Variants in PDS5B observed in about 807,000 individuals in gnomAD.
PDS5B encodes PDS5 cohesin associated factor B.
PDS5B carries 51 observed loss-of-function variants against 184.1 expected under a neutral mutation model. The ratio of observed to expected loss-of-function variants is 0.28; its 90% CI spans 0.22 to 0.35. PDS5B has a LOEUF of 0.35. Ranked by LOEUF, PDS5B falls within the 10% of genes least tolerant of loss-of-function variation. The pLI is 1.00. For synonymous variants in PDS5B, 566 were observed against 569.2 expected (o/e 0.99, Z 0.08); for missense variants, 1,180 against 1,723.3 (o/e 0.68, Z 5.58).
chr13:32,642,489 G>C (rs914037726), intron 1 of PDS5B, among the ~76,000 whole-genome samples: 8 of 152,146 alleles, frequency 5.3e-5, no homozygotes, highest in African/African-American at 1.9e-4. Flanking sequence ...GTCAGAAAAA[G>C]TTAAAATGAG....
At chr13:32,617,154 C>A (rs567686567) in intron 1 of PDS5B, among the ~76,000 whole-genome samples, 1 of 152,302 alleles carries the variant, frequency 6.6e-6, no homozygotes, top group South Asian at 2.1e-4. Context: ...GAATAAATAA[C>A]CTCTGGCTAG....
At chr13:32,647,524 C>T (rs1382979898) in intron 1 of PDS5B, among the ~76,000 whole-genome samples, 1 of 152,184 alleles carries the variant, frequency 6.6e-6, no homozygotes, top group African/African-American at 2.4e-5. Flanking sequence ...GCTCAAAAGG[C>T]CTGCCTTGGC....
intron 7 of PDS5B, among the ~76,000 whole-genome samples, chr13:32,671,106 A>G (rs1352079192): frequency 6.6e-6 from 1 of 152,190 alleles, no homozygotes; most frequent in Non-Finnish European, 1.5e-5. Flanking sequence ...TGTTTTACCC[A>G]TATTTGTATC....
chr13:32,635,170 GTTTTTTTTT>G (rs71071054), intron 1 of PDS5B, among the ~76,000 whole-genome samples: 9 of 81,124 alleles, frequency 1.1e-4, no homozygotes, highest in African/African-American at 3.1e-4. Context: ...AGCCAATTAC[GTTTTTTTTT>G]TTTTTTTTTT....
At chr13:32,659,882 C>T (rs1327251163) in intron 6 of PDS5B, among the ~76,000 whole-genome samples, 2 of 152,040 alleles carry the variant, frequency 1.3e-5, no homozygotes, top group Non-Finnish European at 2.9e-5. Flanking sequence ...AATATAAGAC[C>T]TCTCTGGCAA....
intron 1 of PDS5B, among the ~76,000 whole-genome samples, chr13:32,611,821 G>A (rs563008179): frequency 1.7e-4 from 25 of 151,032 alleles, no homozygotes; most frequent in African/African-American, 3.4e-4. Flanking sequence ...CACTGCCCCC[G>A]CCCCCCTTTT....
At chr13:32,678,020 A>AG (rs964027347) in intron 9 of PDS5B, among the ~76,000 whole-genome samples, 14 of 152,180 alleles carry the variant, frequency 9.2e-5, no homozygotes, top group Admixed American at 2.0e-4. Flanking sequence ...GGCAAAAAAA[A>AG]AAAATTGACC....
chr13:32,742,442 C>A, intron 22 of PDS5B, 149 bp from the exon 23 acceptor site: 1 of 601,718 alleles, frequency 1.7e-6, no homozygotes, highest in Admixed American at 3.3e-5. Context: ...ATCTTTAAAA[C>A]ATTCGAGATT....
chr13:32,760,162 A>G (rs1041187882), intron 29 of PDS5B, among the ~76,000 whole-genome samples: 3 of 152,272 alleles, frequency 2.0e-5, no homozygotes, highest in Non-Finnish European at 2.9e-5. Flanking sequence ...TCACTGTGTT[A>G]GCCAGGATGG....
chr13:32,773,461 G>A, intron 34 of PDS5B, 137 bp downstream of exon 34: 1 of 738,120 alleles, frequency 1.4e-6, no homozygotes, highest in Non-Finnish European at 2.2e-6. Flanking sequence ...CTACCAGGTT[G>A]GATAATGGAG....
intron 27 of PDS5B, 27 bp from the exon 28 acceptor site, chr13:32,758,507 T>C: frequency 6.3e-7 from 1 of 1,598,620 alleles, no homozygotes; most frequent in Non-Finnish European, 8.5e-7. Flanking sequence ...CTTAAGTATC[T>C]GTGTTTTTAA....
intron 19 of PDS5B, among the ~76,000 whole-genome samples, chr13:32,725,099 T>C (rs1020332150): frequency 1.5e-4 from 23 of 152,246 alleles, no homozygotes; most frequent in African/African-American, 5.3e-4. Flanking sequence ...ATTTCCTAGC[T>C]GAATACTTTT....
intron 14 of PDS5B, among the ~76,000 whole-genome samples, chr13:32,694,794 A>G (rs368815275): frequency 2.6e-5 from 4 of 151,256 alleles, no homozygotes; most frequent in African/African-American, 9.7e-5. Context: ...GTATTCATCC[A>G]TTGGATGTAT....
intron 26 of PDS5B, 36 bp from the exon 27 acceptor site, chr13:32,758,051 C>A: frequency 1.2e-6 from 1 of 868,014 alleles, no homozygotes; most frequent in Non-Finnish European, 1.6e-6. Context: ...GGATGATTTT[C>A]TTCTATATTT....
chr13:32,731,361 A>G (rs140444537), intron 19 of PDS5B, among the ~76,000 whole-genome samples: 3 of 152,302 alleles, frequency 2.0e-5, no homozygotes, highest in African/African-American at 7.2e-5. Flanking sequence ...AATACGATGC[A>G]TGAATGTTCT....
At chr13:32,595,361 A>G (rs7991119) in intron 1 of PDS5B, among the ~76,000 whole-genome samples, 1 of 152,062 alleles carries the variant, frequency 6.6e-6, no homozygotes, top group African/African-American at 2.4e-5. Flanking sequence ...TCCAAAAGTA[A>G]GACGGCAAAA....
chr13:32,724,253 C>T (rs1440366267), intron 19 of PDS5B, among the ~76,000 whole-genome samples: 1 of 151,940 alleles, frequency 6.6e-6, no homozygotes, highest in Non-Finnish European at 1.5e-5. Context: ...GTAGTTGGAA[C>T]CACAGACACC....
At chr13:32,638,583 A>G (rs1383074581) in intron 1 of PDS5B, among the ~76,000 whole-genome samples, 1 of 152,174 alleles carries the variant, frequency 6.6e-6, no homozygotes, top group East Asian at 1.9e-4. Flanking sequence ...CTAAACAGGT[A>G]TGTTGTATTT....
At chr13:32,648,933 G>A (rs538387690) in intron 2 of PDS5B, 53 bp downstream of exon 2, 39 of 837,026 alleles carry the variant, frequency 4.7e-5, no homozygotes, top group Middle Eastern at 2.2e-4. Context: ...GGTCCCCTGT[G>A]GAAATCACAT....
Sources: gnomAD v4.1 joint callset for allele counts (sites outside exome capture counted in the v4.1 genomes callset) on GRCh38, gnomAD v4.1.1 for gene constraint, MANE v1.5 for transcripts, NCBI Gene and HGNC (gene_info 2026-07-23, HGNC 2026-07-21) for gene names.